VPS13A: variants seen among roughly 807,000 people sequenced by gnomAD.
VPS13A encodes the protein vacuolar protein sorting 13 homolog A, also known as intermembrane lipid transfer protein VPS13A.
A neutral mutation model predicts 390.9 loss-of-function variants in VPS13A; 264 were observed. That is an observed-to-expected ratio of 0.68 (90% CI 0.61 to 0.75). VPS13A has a LOEUF of 0.75. VPS13A is among the 30% of genes least tolerant of loss of function. The probability of loss-of-function intolerance (pLI) is 0.00; values close to 1 mark genes in which losing one functional copy is unlikely to be tolerated. For missense variants in VPS13A, 3,409 were observed against 3,733.9 expected (o/e 0.91, Z 2.27); for synonymous variants, 1,231 against 1,227.1 (o/e 1.00, Z -0.07).
intron 10 of VPS13A, among the ~76,000 whole-genome samples, 198 bp from the exon 11 acceptor site, chr9:77,219,756 G>A (rs1823082701): frequency 6.6e-6 from 1 of 151,982 alleles, no homozygotes; most frequent in African/African-American, 2.4e-5. Flanking sequence ...ATGGAAGACA[G>A]TGAATTTTAA....
chr9:77,293,258 G>A, intron 31 of VPS13A, 83 bp from the exon 32 acceptor site: 1 of 1,260,054 alleles, frequency 7.9e-7, no homozygotes, highest in Non-Finnish European at 1.1e-6. Context: ...ACTATGTTTT[G>A]TTATTTTTTA....
chr9:77,237,955 T>C (rs773830662), intron 17 of VPS13A, 47 bp from the exon 18 acceptor site: 16 of 1,425,206 alleles, frequency 1.1e-5, no homozygotes, highest in Non-Finnish European at 1.5e-5. Context: ...TTAAAATCCT[T>C]CACAATTTTA....
chr9:77,339,271 GT>G (rs1830691307), intron 47 of VPS13A: 1 of 488,648 alleles, frequency 2.0e-6, no homozygotes, highest in Admixed American at 3.8e-5. Flanking sequence ...AATCTTCACA[GT>G]TTGTCCTTTG....
At chr9:77,407,721 G>C (rs1403899597) in intron 71 of VPS13A, 114 bp downstream of exon 71, 1 of 885,216 alleles carries the variant, frequency 1.1e-6, no homozygotes, top group Non-Finnish European at 1.8e-6. Context: ...TGTTTGTTTT[G>C]CTTTTGTGTT....
At chr9:77,188,038 G>C (rs923014785) in intron 1 of VPS13A, among the ~76,000 whole-genome samples, 1 of 152,164 alleles carries the variant, frequency 6.6e-6, no homozygotes, top group Non-Finnish European at 1.5e-5. Flanking sequence ...ATCTTTCATG[G>C]CTTGGTGCTG....
intron 71 of VPS13A, among the ~76,000 whole-genome samples, chr9:77,415,008 A>T (rs1256233435): frequency 6.6e-6 from 1 of 152,196 alleles, no homozygotes; most frequent in Non-Finnish European, 1.5e-5. Flanking sequence ...AGACATTCTG[A>T]TATAAGGCGA....
intron 67 of VPS13A, among the ~76,000 whole-genome samples, chr9:77,377,455 A>C (rs1353824007): frequency 6.6e-6 from 1 of 151,938 alleles, no homozygotes; most frequent in East Asian, 1.9e-4. Flanking sequence ...TCCTGACCTC[A>C]TGATCCACCC....
intron 31 of VPS13A, among the ~76,000 whole-genome samples, chr9:77,286,617 TG>T (rs1186433769): frequency 6.6e-6 from 1 of 152,218 alleles, no homozygotes; most frequent in Non-Finnish European, 1.5e-5. Context: ...GATGACAGTT[TG>T]ACTTTCTTTC....
At chr9:77,258,327 A>G (rs1825566781) in intron 22 of VPS13A, among the ~76,000 whole-genome samples, 1 of 152,200 alleles carries the variant, frequency 6.6e-6, no homozygotes. Flanking sequence ...ACTAGGAAGA[A>G]TAGAGGGAAT....
chr9:77,335,810 C>A lies in VPS13A; in HGVS notation c.6096-1445C>A, dbSNP rs186899238. ...GACAATGTGGTGATTCCTCAAGGAT[C>A]TAGAACCAGAAATACCATTTGACCC... On this transcript the variant is annotated intron_variant, in intron 46 of 71. Coordinates refer to ENST00000360280, the MANE Select transcript of VPS13A (RefSeq NM_033305.3). Among the ~76,000 whole-genome samples, 846 of 152,262 alleles carry A rather than the reference C, an allele frequency of 5.6e-3. 9 individuals are homozygous for A. Among genetic ancestry groups the A allele is most frequent in the Non-Finnish European group, 7.6e-3 (516 of 68,000 alleles).
chr9:77,180,845 G>C (rs1054519030), intron 1 of VPS13A, among the ~76,000 whole-genome samples: 2 of 152,138 alleles, frequency 1.3e-5, no homozygotes, highest in African/African-American at 4.8e-5. Context: ...TAGAAATCAG[G>C]TAATGTGATC....
intron 71 of VPS13A, among the ~76,000 whole-genome samples, chr9:77,412,885 G>A (rs1467160739): frequency 8.5e-5 from 13 of 152,128 alleles, no homozygotes; most frequent in Admixed American, 2.6e-4. Context: ...TAAGCTGATA[G>A]GCAACTTCAG....
At chr9:77,217,277 A>G (rs1379512638) in intron 10 of VPS13A, among the ~76,000 whole-genome samples, 1 of 152,044 alleles carries the variant, frequency 6.6e-6, no homozygotes, top group Admixed American at 6.6e-5. Flanking sequence ...CTGAATAAGA[A>G]CCTCTGGAGG....
At chr9:77,365,995 A>G (rs1255630342) in intron 60 of VPS13A, among the ~76,000 whole-genome samples, 2 of 152,148 alleles carry the variant, frequency 1.3e-5, no homozygotes, top group Non-Finnish European at 2.9e-5. Flanking sequence ...CTAAACAACC[A>G]TATATGTAGA....
At position 77,321,525 on chromosome 9, in the gene VPS13A, A is replaced by T. The variant is rs752784595; in HGVS notation, c.5609A>T (p.Asp1870Val). Residue 1870 changes from aspartate (D) to valine (V), a missense_variant, in exon 44 of 72, where the codon GAC becomes GTC. Physicochemically the swap from Asp to Val is radical, Grantham distance 152 (BLOSUM62 -3). Transcript: ENST00000360280. ...FTEAATGSSA[D>V]FVKDLAPFMI... ...GAAGCTGCCACTGGATCTTCAGCTG[A>T]CTTCGTAAAGGATCTAGCACCATTT... is the stretch of plus-strand genomic sequence containing the variant. The T allele has an allele frequency of 6.2e-7, 1 of 1,613,356 alleles. No individual in the cohort carries two copies. The highest frequency in any genetic ancestry group is 1.3e-5 in the African/African-American group (1 of 74,888).
At position 77,201,159 on chromosome 9, in the gene VPS13A, A is replaced by G. The variant is rs146795997; in HGVS notation, c.145-206A>G. Among the ~76,000 whole-genome samples, 1,838 of 152,250 alleles carry G rather than the reference A, an allele frequency of 0.012. 53 individuals are homozygous for G. The highest frequency in any genetic ancestry group is 0.042 in the African/African-American group (1,729 of 41,556). ...TAGACCTTTATCCCCAATTATTATT[A>G]AAAGAGCAGCTTCCCTGGATTTTAT... is the stretch of plus-strand genomic sequence containing the variant. On this transcript the variant is annotated intron_variant, in intron 2 of 71. Transcript: ENST00000360280.
intron 3 of VPS13A, among the ~76,000 whole-genome samples, chr9:77,204,683 G>A (rs573942771): frequency 6.6e-6 from 1 of 152,288 alleles, no homozygotes; most frequent in Non-Finnish European, 1.5e-5. Context: ...CTGGAGGGCA[G>A]TAGCATGATC....
At chr9:77,227,358 T>C in intron 15 of VPS13A, 33 bp from the exon 16 acceptor site, 1 of 1,459,620 alleles carries the variant, frequency 6.9e-7, no homozygotes, top group Non-Finnish European at 9.6e-7. Flanking sequence ...TGTTTTTATT[T>C]AAGAACATAA....
rs543745542 is a variant in VPS13A at position 77,339,648 on chromosome 9, A to G, written c.6511A>G (p.Ile2171Val). Residue 2171 changes from isoleucine (I) to valine (V), a missense_variant, in exon 48 of 72, where the codon ATA becomes GTA. Physicochemically the swap from Ile to Val is conservative, Grantham distance 29 (BLOSUM62 3). Transcript: ENST00000360280. ...LNHDWKSEYHIKPNQQDISFV... is the reference protein window; with the variant it reads ...LNHDWKSEYHVKPNQQDISFV... ...TCACGATTGGAAAAGTGAATATCAC[A>G]TAAAGCCTAATCAGCAAGACATTAG... The G allele has an allele frequency of 3.7e-6, 6 of 1,614,064 alleles. No individual in the cohort carries two copies. Among genetic ancestry groups the G allele is most frequent in the African/African-American group, 1.3e-5 (1 of 75,058 alleles).
Sources: gnomAD v4.1 joint callset for allele counts (sites outside exome capture counted in the v4.1 genomes callset) on GRCh38, gnomAD v4.1.1 for gene constraint, MANE v1.5 for transcripts, NCBI Gene and HGNC (gene_info 2026-07-23, HGNC 2026-07-21) for gene names.